CILP: variants seen among roughly 807,000 people sequenced by gnomAD.
The protein encoded by CILP is cartilage intermediate layer protein, also known as cartilage intermediate layer protein 1.
Under a neutral mutation model 82.5 loss-of-function variants are expected in CILP, and 75 were observed. The ratio of observed to expected loss-of-function variants is 0.91; its 90% CI spans 0.75 to 1.10. CILP has a LOEUF of 1.10. Among genes scored for constraint, CILP ranks in the 50% least tolerant of loss-of-function variants. CILP has a pLI of 0.00. For missense variants in CILP, 1,479 were observed against 1,530.8 expected (o/e 0.97, Z 0.56); for synonymous variants, 530 against 580.3 (o/e 0.91, Z 1.25).
In CILP at chr15:65,209,766, A is replaced by T. The variant is rs1465403735; in HGVS notation, c.-11T>A. The T allele has an allele frequency of 3.7e-6, 6 of 1,613,736 alleles. No individual in the cohort carries two copies. The highest frequency in any genetic ancestry group is 4.2e-6 in the Non-Finnish European group (5 of 1,179,836). On this transcript the variant is annotated 5_prime_UTR_variant, in exon 2 of 9. It adds an upstream start codon to the 5' untranslated region. Transcript: ENST00000261883. ...CTTGGTCCCCACCATCTTTCCCCCA[A>T]GCCCGTGGGAACGTGGCAAGAGGTA...
Position 65,205,442 on chromosome 15 carries a change from C to A in CILP, c.449G>T (p.Arg150Leu), listed in dbSNP as rs765576689. The change falls in exon 5 of 9, where the codon CGC becomes CTC. Residue 150 changes from arginine to leucine, a missense_variant. Coordinates refer to ENST00000261883, the MANE Select transcript of CILP (RefSeq NM_003613.4). ...CCAGGGAGACCATGGGCTCCAGATG[C>A]GCTCTGTGTCTCGGCGCAGGGATCC... The part of the protein sequence containing the change: ...PPGSLRRDTE[R>L]IWSPWSPWSK... 1.2e-6 allele frequency: 2 copies of A among 1,611,216 alleles called. No individual in the cohort carries two copies. The highest frequency in any genetic ancestry group is 2.2e-5 in the East Asian group (1 of 44,764).
At position 65,196,418 on chromosome 15, in the gene CILP, A is replaced by G. The variant is rs2088361695; in HGVS notation, c.*313T>C. 1.1e-5 allele frequency: 3 copies of G among 266,076 alleles called. No individual in the cohort carries two copies. The highest frequency in any genetic ancestry group is 1.1e-3 in the Middle Eastern group (1 of 886). 16.5% of individuals were successfully genotyped at this position (266,076 alleles called of 1,614,324 possible). A position where few individuals can be genotyped will look rare whatever the true frequency, so the allele number is the denominator to read the frequency against. On this transcript the variant is annotated 3_prime_UTR_variant, in exon 9 of 9. Transcript: ENST00000261883. ...CACTATTGCAGAGGTGGGCAAAACC[A>G]TGCAAAAAGAAGAGGAAGTATATTT...
chr15:65,198,155 C>T lies in CILP; in HGVS notation c.2131G>A (p.Glu711Lys), dbSNP rs1421318323. The change falls in exon 9 of 9, where the codon GAA becomes AAA. Residue 711 changes from glutamate to lysine, a missense_variant. Glu to Lys is a moderately conservative substitution (Grantham distance 56). Transcript: ENST00000261883. ...LNPDTGLWEE[E>K]GDFKFENQRR... Reference sequence around the variant, plus strand: ...TGATTTTCAAATTTGAAATCACCTTCCTCCTCCCACAGCCCTGTGTCTGGA... The same window carrying T: ...TGATTTTCAAATTTGAAATCACCTTTCTCCTCCCACAGCCCTGTGTCTGGA... 2 of 1,614,144 alleles carry T rather than the reference C, an allele frequency of 1.2e-6. No homozygotes were observed. The highest frequency in any genetic ancestry group is 2.2e-5 in the East Asian group (1 of 44,900).
Position 65,197,385 on chromosome 15 carries a change from A to T in CILP, c.2901T>A (p.Asn967Lys). ...TGCCCCCCATGTTGCGGGATCGCAC[A>T]TTCACTTCCAGTGGCCCCACAATCT... ...KVKIVGPLEV[N>K]VRSRNMGGTH... The change falls in exon 9 of 9, where the codon AAT (asparagine) becomes AAA (lysine). Residue 967 changes from asparagine (N) to lysine (K), a missense_variant. Asn to Lys is a moderately conservative substitution (Grantham distance 94, BLOSUM62 0). Transcript: ENST00000261883. The T allele has an allele frequency of 6.2e-7, 1 of 1,614,220 alleles. No individual in the cohort carries two copies. Among genetic ancestry groups the T allele is most frequent in the Non-Finnish European group, 8.5e-7 (1 of 1,180,036 alleles).
rs2088405846 is a variant in CILP, at chr15:65,198,417, A to G, written c.1869T>C (p.Ser623=). ...TATTCCGGGGATCCAGGAAGGTCAC[A>G]CTGGCCTTCACTTTTCCTATGTAGG... The part of the protein sequence containing the change: ...GEPYIGKVKA[S]VTFLDPRNIS... Residue 623 remains serine, a synonymous_variant, in exon 9 of 9, where the codon AGT becomes AGC. Coordinates refer to ENST00000261883, the MANE Select transcript of CILP (RefSeq NM_003613.4). 1 of 1,614,218 alleles carries G rather than the reference A, an allele frequency of 6.2e-7. No homozygotes were observed.
At chr15:65,205,964 C>T (rs1036944979) in intron 4 of CILP, among the ~76,000 whole-genome samples, 36 of 152,206 alleles carry the variant, frequency 2.4e-4, no homozygotes, top group African/African-American at 8.7e-4. Context: ...CCTGAGCTCC[C>T]ATCCCAGATG....
chr15:65,197,812 A>G lies in CILP; in HGVS notation c.2474T>C (p.Leu825Ser), dbSNP rs1212228069. ...QSPDAYSAYV[L>S]ASLAGEELQA... ...CAGTTCCTCCCCAGCCAGGCTTGCC[A>G]AGACATAGGCAGAGTAGGCATCAGG... Residue 825 changes from leucine (L) to serine (S), a missense_variant, in exon 9 of 9, where the codon TTG becomes TCG. Physicochemically the swap from Leu to Ser is moderately radical, Grantham distance 145. Coordinates refer to ENST00000261883, the MANE Select transcript of CILP (RefSeq NM_003613.4). 6.8e-6 allele frequency: 11 copies of G among 1,613,882 alleles called. No homozygotes were observed. The highest frequency in any genetic ancestry group is 1.3e-5 in the African/African-American group (1 of 74,928).
rs1385662139 is a variant in CILP, at chr15:65,204,486, C to T, written c.701G>A (p.Gly234Glu). ...FMLHGAVSLP[G>E]GAPASGAAIY... The stretch of plus-strand genomic sequence containing the variant: ...AGCAGCCCCTGAGGCTGGGGCACCT[C>T]CGGGAAGGGAGACAGCCCCATGAAG... Residue 234 changes from glycine (G) to glutamate (E), a missense_variant, in exon 6 of 9, where the codon GGA (glycine) becomes GAA (glutamate). Transcript: ENST00000261883. 1.9e-6 allele frequency: 3 copies of T among 1,614,002 alleles called. No individual in the cohort carries two copies. The highest frequency in any genetic ancestry group is 2.5e-6 in the Non-Finnish European group (3 of 1,179,982).
At chr15:65,205,593 T>C (rs964620993) in intron 4 of CILP, 127 bp from the exon 5 acceptor site, 1 of 952,972 alleles carries the variant, frequency 1.0e-6, no homozygotes, top group African/African-American at 1.7e-5. Context: ...ATGTCACTGA[T>C]ATTTATATTT....
intron 1 of CILP, among the ~76,000 whole-genome samples, chr15:65,211,107 C>T (rs1290689362): frequency 6.6e-6 from 1 of 152,224 alleles, no homozygotes; most frequent in Non-Finnish European, 1.5e-5. Flanking sequence ...CTTGCCATCC[C>T]ACGCTCCTCA....
Position 65,195,266 on chromosome 15 carries a change from A to G in CILP, c.*1465T>C, listed in dbSNP as rs933138063. 2 of 152,372 alleles carry G rather than the reference A, an allele frequency of 1.3e-5. No individual in the cohort carries two copies. Among genetic ancestry groups the G allele is most frequent in the Non-Finnish European group, 2.9e-5 (2 of 68,078 alleles). 9.4% of individuals were successfully genotyped at this position (152,372 alleles called of 1,614,324 possible). A position where few individuals can be genotyped will look rare whatever the true frequency, so the allele number is the denominator to read the frequency against. On this transcript the variant is annotated 3_prime_UTR_variant, in exon 9 of 9. Transcript: ENST00000261883. ...GGAGCTGCACTAGGCTGGCCAGGGC[A>G]TCAGGGAAAGCTTTTTGTCCTGATT...
chr15:65,210,633 C>T (rs747714544), intron 1 of CILP, among the ~76,000 whole-genome samples: 3 of 152,300 alleles, frequency 2.0e-5, no homozygotes, highest in East Asian at 1.9e-4. Context: ...CCCAGAGCTC[C>T]GGCCAACCCA....
intron 6 of CILP, 22 bp downstream of exon 6, chr15:65,204,246 C>G (rs1405028110): frequency 3.1e-6 from 5 of 1,607,080 alleles, no homozygotes; most frequent in Middle Eastern, 1.7e-4. Context: ...CTCACCAGCC[C>G]TACCCCAAAG....
chr15:65,197,951 T>C lies in CILP; in HGVS notation c.2335A>G (p.Asn779Asp). Residue 779 changes from asparagine (N) to aspartate (D), a missense_variant, in exon 9 of 9, where the codon AAC becomes GAC. Transcript: ENST00000261883. ...QIQGVVISVI[N>D]LEPRTGFLSN... ...AAGAAGCCAGTTCTAGGCTCCAGGT[T>C]AATCACGGAGATCACAACCCCCTGG... 6.2e-7 allele frequency: 1 copy of C among 1,614,144 alleles called. No homozygotes were observed. Among genetic ancestry groups the C allele is most frequent in the Non-Finnish European group, 8.5e-7 (1 of 1,180,038 alleles).
intron 6 of CILP, among the ~76,000 whole-genome samples, chr15:65,203,878 G>A (rs746538909): frequency 4.6e-5 from 7 of 152,200 alleles, no homozygotes; most frequent in African/African-American, 9.7e-5. Context: ...CCTGCAAACC[G>A]CACACTATAT....
At chr15:65,208,384 G>A (rs2088542624) in intron 2 of CILP, among the ~76,000 whole-genome samples, 1 of 152,116 alleles carries the variant, frequency 6.6e-6, no homozygotes, top group South Asian at 2.1e-4. Context: ...ATAAAATAAG[G>A]ATAATGATAG....
rs28453779 is a variant in CILP at position 65,197,700 on chromosome 15, C to T, written c.2586G>A (p.Thr862=). 1.8e-3 allele frequency: 2,892 copies of T among 1,613,364 alleles called. 39 individuals are homozygous for T. The African/African-American group carries it at 0.032, about 18-fold the overall frequency. Residue 862 remains threonine, a synonymous_variant, in exon 9 of 9, where the codon ACG becomes ACA. Coordinates refer to ENST00000261883, the MANE Select transcript of CILP (RefSeq NM_003613.4). ...TTTTAACCCGTGGATCCTCATGGTC[C>T]GTCCGACGGTAGTTGAGCTTGTTGA... ...PYLNKLNYRR[T]DHEDPRVKKT... is the part of the protein sequence containing the mutation.
chr15:65,196,754 C>A lies in CILP; in HGVS notation c.3532G>T (p.Ala1178Ser), dbSNP rs2088366142. Residue 1178 changes from alanine to serine, a missense_variant, in exon 9 of 9, where the codon GCT (alanine) becomes TCT (serine). Coordinates refer to ENST00000261883, the MANE Select transcript of CILP (RefSeq NM_003613.4). ...VVASLRFPRV[A>S]QQPLIN ...ACTTAGTTGATCAGGGGCTGTTGAGCAACTCTAGGAAATCTCAGAGAGGCC... is the reference window on the plus strand; with the variant it reads ...ACTTAGTTGATCAGGGGCTGTTGAGAAACTCTAGGAAATCTCAGAGAGGCC... The A allele has an allele frequency of 1.3e-6, 2 of 1,547,960 alleles. No individual in the cohort carries two copies. Among genetic ancestry groups the A allele is most frequent in the South Asian group, 1.2e-5 (1 of 80,352 alleles).
In CILP at chr15:65,204,456, T is replaced by C. The variant is rs747125612; in HGVS notation, c.731A>G (p.Tyr244Cys). The part of the protein sequence containing the change: ...GGAPASGAAI[Y>C]LLTKTPKLLT... ...CAGCTTCGGCGTCTTGGTCAGGAGG[T>C]AGATAGCAGCCCCTGAGGCTGGGGC... Residue 244 changes from tyrosine (Y) to cysteine (C), a missense_variant, in exon 6 of 9, where the codon TAC becomes TGC. Coordinates refer to ENST00000261883, the MANE Select transcript of CILP (RefSeq NM_003613.4). 6.2e-7 allele frequency: 1 copy of C among 1,613,838 alleles called. No individual in the cohort carries two copies. Among genetic ancestry groups the C allele is most frequent in the Non-Finnish European group, 8.5e-7 (1 of 1,179,936 alleles).
Sources: allele counts gnomAD v4.1 joint callset (sites outside exome capture counted in the v4.1 genomes callset), GRCh38; gene constraint gnomAD v4.1.1; transcripts MANE v1.5; gene names NCBI Gene and HGNC (gene_info 2026-07-23, HGNC 2026-07-21).